KAZN: variants seen among roughly 807,000 people sequenced by gnomAD.
The protein encoded by KAZN is kazrin.
A neutral mutation model predicts 87.4 loss-of-function variants in KAZN; 40 were observed. The observed-to-expected ratio is 0.46, with a 90% CI of 0.36 to 0.60. KAZN has a LOEUF of 0.60. Among genes scored for constraint, KAZN ranks in the 20% least tolerant of loss-of-function variants. The pLI, the probability that KAZN is intolerant of heterozygous loss-of-function variation, is 0.00. For missense variants in KAZN, 898 were observed against 1,073.9 expected (o/e 0.84, Z 2.29); for synonymous variants, 466 against 458.3 (o/e 1.02, Z -0.22).
chr1:14,753,659 A>G (rs960775509), intron 1 of KAZN, among the ~76,000 whole-genome samples: 23 of 152,218 alleles, frequency 1.5e-4, no homozygotes, highest in African/African-American at 5.1e-4. Flanking sequence ...CTGAATGGAA[A>G]CAAACTTAGT....
At chr1:15,007,268 G>A (rs1669122721) in intron 2 of KAZN, among the ~76,000 whole-genome samples, 1 of 152,138 alleles carries the variant, frequency 6.6e-6, no homozygotes. Context: ...CAGAGCACTA[G>A]GTGAGGGGCT....
chr1:14,428,451 C>G (rs1665864903), intron 2 of KAZN, among the ~76,000 whole-genome samples: 2 of 152,138 alleles, frequency 1.3e-5, no homozygotes, highest in South Asian at 4.1e-4. Context: ...TCAATCAGAT[C>G]AAACAAGAAT....
intron 2 of KAZN, among the ~76,000 whole-genome samples, chr1:14,370,119 G>C (rs1278951146): frequency 6.6e-6 from 1 of 152,152 alleles, no homozygotes; most frequent in Non-Finnish European, 1.5e-5. Context: ...GGATGGAAAG[G>C]GTCAGTGGTT....
intron 1 of KAZN, among the ~76,000 whole-genome samples, chr1:14,920,231 C>T (rs1420224531): frequency 2.7e-5 from 4 of 149,416 alleles, no homozygotes; most frequent in Non-Finnish European, 5.9e-5. Context: ...CGAGGGGATG[C>T]TCTGGATGGG....
intron 2 of KAZN, among the ~76,000 whole-genome samples, chr1:14,418,998 G>A (rs896562204): frequency 3.9e-5 from 6 of 152,186 alleles, no homozygotes; most frequent in African/African-American, 1.2e-4. Context: ...CTGCCATTCG[G>A]ATACAACTGT....
At chr1:14,055,166 A>G (rs2101484620) in intron 1 of KAZN, among the ~76,000 whole-genome samples, 1 of 152,300 alleles carries the variant, frequency 6.6e-6, no homozygotes, top group Middle Eastern at 3.4e-3. Flanking sequence ...AAGTTATTTA[A>G]TTTGTAGGTG....
At chr1:14,202,487 T>C (rs1295247316) in intron 2 of KAZN, among the ~76,000 whole-genome samples, 1 of 152,158 alleles carries the variant, frequency 6.6e-6, no homozygotes, top group African/African-American at 2.4e-5. Flanking sequence ...ATACCCCAGG[T>C]GCTGGGGTGC....
intron 2 of KAZN, among the ~76,000 whole-genome samples, chr1:14,226,006 C>T (rs1273513570): frequency 6.6e-6 from 1 of 151,728 alleles, no homozygotes; most frequent in Non-Finnish European, 1.5e-5. Context: ...AAAAATTGAC[C>T]ATAGGACCTA....
At chr1:14,476,522 C>T (rs1356663679) in intron 2 of KAZN, among the ~76,000 whole-genome samples, 2 of 152,196 alleles carry the variant, frequency 1.3e-5, no homozygotes, top group African/African-American at 4.8e-5. Context: ...ACAACAGGGA[C>T]TGAACTGCAT....
intron 1 of KAZN, among the ~76,000 whole-genome samples, chr1:14,807,339 C>T (rs375360090): frequency 1.4e-4 from 21 of 152,182 alleles, no homozygotes; most frequent in African/African-American, 5.1e-4. Context: ...GGTTTTTCAG[C>T]TCTTCCTACA....
chr1:14,241,336 C>T (rs1367097396), intron 2 of KAZN, among the ~76,000 whole-genome samples: 2 of 152,172 alleles, frequency 1.3e-5, no homozygotes, highest in African/African-American at 4.8e-5. Context: ...TAGGTGGCTG[C>T]CCCATTCATT....
intron 1 of KAZN, among the ~76,000 whole-genome samples, chr1:14,080,820 A>G (rs904368442): frequency 6.6e-6 from 1 of 152,208 alleles, no homozygotes; most frequent in Non-Finnish European, 1.5e-5. Flanking sequence ...ATTTGTCATT[A>G]AGAGCTACAG....
chr1:14,598,612 G>T, upstream of KAZN: 1 of 1,070,748 alleles, frequency 9.3e-7, no homozygotes, highest in Non-Finnish European at 1.1e-6. This position sits in a 1 kb window ranked among gnomAD's most constrained non-coding sequence, Gnocchi z 4.2. Flanking sequence ...CCCAGCCTCC[G>T]ACCGAGACCC....
chr1:14,373,212 T>C (rs143400503), intron 2 of KAZN, among the ~76,000 whole-genome samples: 1 of 7,992 alleles, frequency 1.3e-4, no homozygotes, highest in Non-Finnish European at 8.0e-4. Context: ...TATATATATA[T>C]ATATATATAT....
chr1:14,832,210 A>T (rs1647069555), intron 1 of KAZN, among the ~76,000 whole-genome samples: 1 of 151,712 alleles, frequency 6.6e-6, no homozygotes, highest in Admixed American at 6.6e-5. Flanking sequence ...AAAAAAAAAA[A>T]AGACACACAC....
Position 14,856,574 on chromosome 1 carries a change from A to G in KAZN, c.227-104110A>G, listed in dbSNP as rs1174320510. Among the ~76,000 whole-genome samples, 1 of 152,210 alleles carries G rather than the reference A, an allele frequency of 6.6e-6. No individual in the cohort carries two copies. ...TATGTTCATTAGTATAAAACATTCC[A>G]TATTTTATTTCTATTTTGGTAGCTC... is the stretch of plus-strand genomic sequence containing the variant. On this transcript the variant is annotated intron_variant, in intron 1 of 14. Coordinates refer to ENST00000376030, the MANE Select transcript of KAZN (RefSeq NM_201628.3). This position sits in a 1 kb window ranked among gnomAD's most constrained non-coding sequence, Gnocchi z 5.2.
chr1:14,487,117 G>T (rs1281611388), intron 2 of KAZN, among the ~76,000 whole-genome samples: 1 of 152,152 alleles, frequency 6.6e-6, no homozygotes, highest in Non-Finnish European at 1.5e-5. Flanking sequence ...TAAATCAACA[G>T]GGTTGCACTT....
At chr1:14,791,804 G>A (rs1226017333) in intron 1 of KAZN, among the ~76,000 whole-genome samples, 2 of 152,256 alleles carry the variant, frequency 1.3e-5, no homozygotes, top group Non-Finnish European at 2.9e-5. Flanking sequence ...CGAGCCACCA[G>A]CCTTTGATCC....
chr1:14,651,649 C>T (rs1018862450), intron 1 of KAZN, among the ~76,000 whole-genome samples: 2 of 152,176 alleles, frequency 1.3e-5, no homozygotes, highest in African/African-American at 4.8e-5. Context: ...TTGAAAAGAA[C>T]AACATTTGAC....
Sources: allele counts gnomAD v4.1 joint callset (sites outside exome capture counted in the v4.1 genomes callset), GRCh38; gene constraint gnomAD v4.1.1; non-coding constraint Gnocchi (gnomAD v3.1); transcripts MANE v1.5; gene names NCBI Gene and HGNC (gene_info 2026-07-23, HGNC 2026-07-21).